TENM2: variants seen among roughly 807,000 people sequenced by gnomAD.
TENM2 encodes teneurin transmembrane protein 2, also known as teneurin-2.
Under a neutral mutation model 245.2 loss-of-function variants are expected in TENM2, and 52 were observed. The ratio of observed to expected loss-of-function variants is 0.21; its 90% CI spans 0.17 to 0.27. The LOEUF (loss-of-function observed/expected upper bound fraction) is 0.27. Among genes scored for constraint, TENM2 ranks in the 10% least tolerant of loss-of-function variants. TENM2 has a pLI of 1.00. For synonymous variants in TENM2, 1,363 were observed against 1,438.9 expected (o/e 0.95, Z 1.19); for missense variants, 3,046 against 3,666.8 (o/e 0.83, Z 4.37).
chr5:167,672,986 A>T (rs1039501359), intron 2 of TENM2, among the ~76,000 whole-genome samples: 2 of 151,726 alleles, frequency 1.3e-5, no homozygotes, highest in African/African-American at 4.8e-5. Flanking sequence ...TTCTCTGGAG[A>T]TACCAGCCCA....
rs574191464 is a variant in TENM2 at position 168,034,008 on chromosome 5, C to G, written c.1187-13419C>G. Among the ~76,000 whole-genome samples the G allele has an allele frequency of 2.1e-5, 3 of 142,504 alleles. No homozygotes were observed. In the South Asian group the frequency reaches 6.5e-4, roughly 31 times the overall value. The allele number at this position is 142,504 out of a possible 152,430, so 93.5% of individuals were successfully genotyped here. A position where few individuals can be genotyped will look rare whatever the true frequency, so the allele number is the denominator to read the frequency against. ...CCCCACTGCACTCCAGCCTGAGCAA[C>G]AGAGCGAGACTCCGTCTCAAATATA... On this transcript the variant is annotated intron_variant, in intron 5 of 28. Coordinates refer to ENST00000518659, the Ensembl canonical transcript of TENM2.
rs1789713074 is a variant in TENM2, at chr5:168,058,092, T to C, written c.1310-3968T>C. On this transcript the variant is annotated intron_variant, in intron 6 of 28. Transcript: ENST00000518659. ...CGCCTCACATGGCATAATTACATAA[T>C]GAGCGGAGTTGTGCGCCTGTGCTCC... Among the ~76,000 whole-genome samples the C allele has an allele frequency of 2.0e-5, 3 of 152,212 alleles. No individual in the cohort carries two copies. The South Asian group carries it at 6.2e-4, about 32-fold the overall frequency.
At chr5:167,388,128 G>A (rs1761551395) in intron 2 of TENM2, among the ~76,000 whole-genome samples, 1 of 152,158 alleles carries the variant, frequency 6.6e-6, no homozygotes, top group Admixed American at 6.5e-5. Flanking sequence ...GAATTCTGCT[G>A]TGAATCTGTC....
intron 2 of TENM2, among the ~76,000 whole-genome samples, chr5:167,421,980 C>T (rs933884966): frequency 5.9e-5 from 9 of 152,014 alleles, no homozygotes; most frequent in East Asian, 5.8e-4. Flanking sequence ...TTAGTAGAGA[C>T]GGAGTTTCAC....
At chr5:168,258,661 C>T (rs923330660) in intron 27 of TENM2, among the ~76,000 whole-genome samples, 6 of 152,148 alleles carry the variant, frequency 3.9e-5, no homozygotes, top group Admixed American at 3.9e-4. Flanking sequence ...CATGGGATTC[C>T]ATTCATGTCA....
intron 2 of TENM2, among the ~76,000 whole-genome samples, chr5:167,545,604 A>C (rs189049758): frequency 6.0e-4 from 92 of 152,348 alleles, no homozygotes; most frequent in Non-Finnish European, 1.1e-3. Flanking sequence ...CATCAAATAC[A>C]ATAAAAAAGG....
At chr5:168,149,461 T>C (rs892224235) in intron 12 of TENM2, 1 of 456,592 alleles carries the variant, frequency 2.2e-6, no homozygotes, top group Non-Finnish European at 4.4e-6. Context: ...ACTGTATGTC[T>C]AATTGTCTGC....
chr5:167,358,338 C>T (rs1469060571), intron 1 of TENM2, among the ~76,000 whole-genome samples: 2 of 152,280 alleles, frequency 1.3e-5, no homozygotes, highest in East Asian at 3.9e-4. Context: ...ATTCTCAGTT[C>T]TCTTAATGAC....
At chr5:167,262,781 T>A in the TENM2 span, among the ~76,000 whole-genome samples, 16,726 of 152,124 alleles carry the variant, frequency 0.11, 1,058 homozygotes, top group East Asian at 0.18. Context: ...ATGTAAATTT[T>A]GACAAATCAG....
At chr5:167,057,283 T>C in the TENM2 span, among the ~76,000 whole-genome samples, 2 of 152,320 alleles carry the variant, frequency 1.3e-5, no homozygotes, top group East Asian at 1.9e-4. Context: ...TTAATGGTCA[T>C]TTAAAAAACT....
At chr5:167,119,985 G>A in the TENM2 span, among the ~76,000 whole-genome samples, 1 of 152,188 alleles carries the variant, frequency 6.6e-6, no homozygotes, top group Non-Finnish European at 1.5e-5. Context: ...AGGATCTTCA[G>A]GGGAAGAGAT....
At chr5:168,197,381 C>G (rs1761529188) in intron 15 of TENM2, among the ~76,000 whole-genome samples, 1 of 152,084 alleles carries the variant, frequency 6.6e-6, no homozygotes, top group African/African-American at 2.4e-5. Flanking sequence ...GGGAGCAAGA[C>G]AGACAGCACC....
At chr5:168,156,041 G>A (rs1177464473) in intron 12 of TENM2, among the ~76,000 whole-genome samples, 1 of 151,716 alleles carries the variant, frequency 6.6e-6, no homozygotes, top group African/African-American at 2.4e-5. Flanking sequence ...GAACAAAAGA[G>A]GCAAAACTTT....
At chr5:167,168,880 C>T in the TENM2 span, among the ~76,000 whole-genome samples, 1 of 152,178 alleles carries the variant, frequency 6.6e-6, no homozygotes, top group Non-Finnish European at 1.5e-5. Context: ...CTGCCTCAGC[C>T]TCCCAAGTAG....
intron 2 of TENM2, among the ~76,000 whole-genome samples, chr5:167,424,019 G>T (rs1763665003): frequency 6.6e-6 from 1 of 152,106 alleles, no homozygotes; most frequent in South Asian, 2.1e-4. Flanking sequence ...GTTATAAATT[G>T]TCAACTGAAA....
chr5:168,067,392 G>C (rs1438759782), intron 7 of TENM2, among the ~76,000 whole-genome samples: 2 of 152,168 alleles, frequency 1.3e-5, no homozygotes, highest in African/African-American at 4.8e-5. Context: ...ATTGTCCCAT[G>C]ATCATACCAA....
intron 2 of TENM2, among the ~76,000 whole-genome samples, chr5:167,873,085 A>G (rs926545409): frequency 6.6e-6 from 1 of 152,254 alleles, no homozygotes; most frequent in Non-Finnish European, 1.5e-5. Flanking sequence ...CTCGCTGCTA[A>G]GTGGACGTCA....
At chr5:168,169,711 GTCCAGTTTCTTCC>G (rs1167604829) in intron 13 of TENM2, among the ~76,000 whole-genome samples, 1 of 152,194 alleles carries the variant, frequency 6.6e-6, no homozygotes, top group African/African-American at 2.4e-5. Flanking sequence ...TGCCCAAATA[GTCCAGTTTCTTCC>G]TCCAATGAGA....
intron 1 of TENM2, among the ~76,000 whole-genome samples, chr5:167,294,425 A>G (rs1486764995): frequency 6.6e-6 from 1 of 152,170 alleles, no homozygotes; most frequent in East Asian, 1.9e-4. Context: ...TACAAGGAAG[A>G]GAAATAAGAA....
Sources: allele counts gnomAD v4.1 joint callset (sites outside exome capture counted in the v4.1 genomes callset), GRCh38; gene constraint gnomAD v4.1.1; transcripts MANE v1.5; gene names NCBI Gene and HGNC (gene_info 2026-07-23, HGNC 2026-07-21).